Variants in SP4 observed in about 807,000 individuals in gnomAD.
The protein encoded by SP4 is transcription factor Sp4.
In SP4, 19 loss-of-function variants were observed where a neutral mutation model predicts 72.8. That is an observed-to-expected ratio of 0.26 (90% CI 0.18 to 0.38). The LOEUF is 0.38. SP4 is among the 10% of genes least tolerant of loss of function. The pLI, the probability that SP4 is intolerant of heterozygous loss-of-function variation, is 1.00. For missense variants in SP4, 1,008 were observed against 926.3 expected (o/e 1.09, Z -1.14); for synonymous variants, 395 against 333.1 (o/e 1.19, Z -2.02).
chr7:21,437,516 A>C (rs566903122), intron 3 of SP4, among the ~76,000 whole-genome samples: 1 of 152,162 alleles, frequency 6.6e-6, no homozygotes, highest in Admixed American at 6.5e-5. Flanking sequence ...TTTTTTTCAA[A>C]TACCAGGTTG....
chr7:21,428,637 A>G, intron 1 of SP4, 40 bp from the exon 2 acceptor site: 1 of 1,475,486 alleles, frequency 6.8e-7, no homozygotes, highest in Non-Finnish European at 9.2e-7. Flanking sequence ...AATCCTAATA[A>G]CCTGTTGTCG....
At chr7:21,510,957 T>C in intron 5 of SP4, 65 bp from the exon 6 acceptor site, 1 of 1,450,214 alleles carries the variant, frequency 6.9e-7, no homozygotes, top group South Asian at 1.4e-5. Context: ...GAAGGGAGAT[T>C]ATTAAAAATT....
intron 3 of SP4, among the ~76,000 whole-genome samples, chr7:21,452,537 GC>G (rs1783632415): frequency 6.6e-6 from 1 of 151,624 alleles, no homozygotes; most frequent in African/African-American, 2.4e-5. Context: ...TTCCAGAGGG[GC>G]TTTTCTTGGC....
At position 21,430,258 on chromosome 7, in the gene SP4, C is replaced by T; in HGVS notation, c.1093C>T (p.Pro365Ser). The change falls in exon 3 of 6, where the codon CCT becomes TCT. Residue 365 changes from proline to serine, a missense_variant. Pro to Ser is a moderately conservative substitution (Grantham distance 74). Coordinates refer to ENST00000222584, the MANE Select transcript of SP4 (RefSeq NM_003112.5). ...SERTIEESQT[P>S]AATESEAQSS... is the part of the protein sequence containing the mutation. The stretch of plus-strand genomic sequence containing the variant: ...ACGCACCATTGAAGAATCTCAAACA[C>T]CTGCTGCTACTGAGTCTGAAGCCCA... 1.2e-6 allele frequency: 2 copies of T among 1,614,220 alleles called. No homozygotes were observed. Among genetic ancestry groups the T allele is most frequent in the Non-Finnish European group, 1.7e-6 (2 of 1,180,040 alleles).
intron 5 of SP4, among the ~76,000 whole-genome samples, chr7:21,489,207 C>T (rs989400835): frequency 3.9e-5 from 6 of 152,104 alleles, no homozygotes; most frequent in Non-Finnish European, 8.8e-5. Flanking sequence ...GGAAATGAAA[C>T]AGATTCTGTA....
intron 3 of SP4, among the ~76,000 whole-genome samples, chr7:21,453,614 T>C (rs952025787): frequency 6.6e-6 from 1 of 152,218 alleles, no homozygotes; most frequent in African/African-American, 2.4e-5. Flanking sequence ...TGGTGTACTA[T>C]TGATGTCAAA....
chr7:21,492,242 A>G (rs1041477384), intron 5 of SP4, among the ~76,000 whole-genome samples: 1 of 152,190 alleles, frequency 6.6e-6, no homozygotes, highest in African/African-American at 2.4e-5. Flanking sequence ...ATATATACCA[A>G]CCACTACAGA....
chr7:21,477,921 A>C (rs1784557430), intron 4 of SP4, among the ~76,000 whole-genome samples: 1 of 152,218 alleles, frequency 6.6e-6, no homozygotes, highest in Non-Finnish European at 1.5e-5. Flanking sequence ...TCACGAATTT[A>C]AAGTGTACAA....
At chr7:21,505,283 T>C (rs974732416) in intron 5 of SP4, among the ~76,000 whole-genome samples, 3 of 152,180 alleles carry the variant, frequency 2.0e-5, no homozygotes, top group African/African-American at 7.2e-5. Flanking sequence ...GTCCTAAATA[T>C]TTAACTTCTT....
Position 21,428,195 on chromosome 7 carries a change from C to A in SP4, c.-57C>A. On this transcript the variant is annotated 5_prime_UTR_variant, in exon 1 of 6. Coordinates refer to ENST00000222584, the MANE Select transcript of SP4 (RefSeq NM_003112.5). The stretch of plus-strand genomic sequence containing the variant: ...GGCCTCTCCTCCCGCCTCGCCCCCA[C>A]CCCCACCCACCTCTATCCCAGTGTC... 3 of 982,142 alleles carry A rather than the reference C, an allele frequency of 3.1e-6. No individual in the cohort carries two copies. The highest frequency in any genetic ancestry group is 1.7e-5 in the African/African-American group (1 of 60,028). 60.8% of individuals were successfully genotyped at this position (982,142 alleles called of 1,614,324 possible).
chr7:21,441,571 T>A (rs1783247128), intron 3 of SP4, among the ~76,000 whole-genome samples: 1 of 152,226 alleles, frequency 6.6e-6, no homozygotes, highest in Non-Finnish European at 1.5e-5. Context: ...AGTAAAAATA[T>A]TTGCAATGCA....
chr7:21,513,223 C>T lies in SP4; in HGVS notation c.*1954C>T, dbSNP rs1447249568. On this transcript the variant is annotated 3_prime_UTR_variant, in exon 6 of 6. Transcript: ENST00000222584. ...TACACTATGTACACTTTAGGCCAGC[C>T]CTTTGTAGCGTTATATAAAACTGAA... The T allele has an allele frequency of 6.6e-6, 1 of 152,350 alleles. No individual in the cohort carries two copies. Among genetic ancestry groups the T allele is most frequent in the African/African-American group, 2.4e-5 (1 of 41,350 alleles). 9.4% of individuals were successfully genotyped at this position (152,350 alleles called of 1,614,324 possible). A position where few individuals can be genotyped will look rare whatever the true frequency, so the allele number is the denominator to read the frequency against.
intron 5 of SP4, among the ~76,000 whole-genome samples, chr7:21,494,544 A>C (rs1583442014): frequency 6.6e-6 from 1 of 152,236 alleles, no homozygotes; most frequent in Non-Finnish European, 1.5e-5. Flanking sequence ...TGATGAAAAC[A>C]GTGAAACATT....
chr7:21,498,973 G>A (rs1317760132), intron 5 of SP4, among the ~76,000 whole-genome samples: 2 of 151,568 alleles, frequency 1.3e-5, no homozygotes, highest in Admixed American at 6.6e-5. Context: ...CCAGCTATTC[G>A]GGAGGCTGAG....
rs1321044451 is a variant in SP4, at chr7:21,511,678, T to C, written c.*409T>C. 1 of 165,348 alleles carries C rather than the reference T, an allele frequency of 6.0e-6. No individual in the cohort carries two copies. Among genetic ancestry groups the C allele is most frequent in the Non-Finnish European group, 1.3e-5 (1 of 74,592 alleles). 10.2% of individuals were successfully genotyped at this position (165,348 alleles called of 1,614,324 possible). On this transcript the variant is annotated 3_prime_UTR_variant, in exon 6 of 6. Coordinates refer to ENST00000222584, the MANE Select transcript of SP4 (RefSeq NM_003112.5). Reference sequence around the variant, plus strand: ...AGTAATAATTTACGTGTATTCTTTTTCTCTATAGCACAGAAAACAGATAGT... The same window carrying C: ...AGTAATAATTTACGTGTATTCTTTTCCTCTATAGCACAGAAAACAGATAGT...
Position 21,477,174 on chromosome 7 carries a change from G to A in SP4, c.1774G>A (p.Ala592Thr). The A allele has an allele frequency of 2.5e-6, 4 of 1,614,136 alleles. No homozygotes were observed. The highest frequency in any genetic ancestry group is 1.6e-4 in the Middle Eastern group (1 of 6,062). Reference protein sequence around the residue: ...VGGIANATIGAVSPDQLTQVH... With the variant: ...VGGIANATIGTVSPDQLTQVH... ...AGGAATTGCTAATGCCACGATAGGT[G>A]CTGTTAGTCCTGACCAACTCACACA... The change falls in exon 4 of 6, where the codon GCT becomes ACT. Residue 592 changes from alanine (A) to threonine (T), a missense_variant. By Grantham distance (58) the Ala-to-Thr change is moderately conservative. This residue lies in a region of SP4 where 893 missense variants were observed against 743.3 expected (regional missense o/e 1.20). Coordinates refer to ENST00000222584, the MANE Select transcript of SP4 (RefSeq NM_003112.5).
At chr7:21,500,793 A>G (rs988228248) in intron 5 of SP4, among the ~76,000 whole-genome samples, 3 of 152,144 alleles carry the variant, frequency 2.0e-5, no homozygotes, top group Non-Finnish European at 2.9e-5. Flanking sequence ...TACATTACGC[A>G]CTACTGGATA....
At chr7:21,454,023 A>G (rs1783679389) in intron 3 of SP4, among the ~76,000 whole-genome samples, 1 of 152,212 alleles carries the variant, frequency 6.6e-6, no homozygotes, top group Non-Finnish European at 1.5e-5. Flanking sequence ...TACATGTTTT[A>G]CATGTAAAAC....
At chr7:21,489,615 A>C (rs1407580776) in intron 5 of SP4, among the ~76,000 whole-genome samples, 1 of 133,864 alleles carries the variant, frequency 7.5e-6, no homozygotes, top group East Asian at 2.2e-4. Context: ...GCTGGAGTGC[A>C]GTGGCATGAT....
Sources: gnomAD v4.1 joint callset for allele counts (sites outside exome capture counted in the v4.1 genomes callset) on GRCh38, gnomAD v4.1.1 for gene constraint, gnomAD v4.1.1 regional missense constraint, MANE v1.5 for transcripts, NCBI Gene and HGNC (gene_info 2026-07-23, HGNC 2026-07-21) for gene names.